ITPR1: variants seen among roughly 807,000 people sequenced by gnomAD.
The protein encoded by ITPR1 is inositol 1,4,5-trisphosphate receptor type 1.
A neutral mutation model predicts 318.4 loss-of-function variants in ITPR1; 96 were observed. The ratio of observed to expected loss-of-function variants is 0.30; its 90% confidence interval spans 0.26 to 0.36. ITPR1 has a LOEUF of 0.36. Ranked by LOEUF, ITPR1 falls within the 10% of genes least tolerant of loss-of-function variation. The pLI, the probability that ITPR1 is intolerant of heterozygous loss-of-function variation, is 1.00. For missense variants in ITPR1, 2,440 were observed against 3,460.2 expected, an observed-to-expected ratio of 0.71 and a Z score of 7.40; for synonymous variants, 1,312 against 1,289.9, an observed-to-expected ratio of 1.02 and a Z score of -0.37.
At chr3:4,648,728 T>C (rs976013805) in intron 10 of ITPR1, among the ~76,000 whole-genome samples, 3 of 152,208 alleles carry the variant, frequency 2.0e-5, no homozygotes, top group East Asian at 3.8e-4. Flanking sequence ...GAGAATCACT[T>C]GAACCCGGGA....
At position 4,688,481 on chromosome 3, in the gene ITPR1, C is replaced by G; in HGVS notation, c.3703-14C>G. On this transcript the variant is annotated splice_polypyrimidine_tract_variant and intron_variant, in intron 30 of 61. Coordinates refer to ENST00000649015, the MANE Select transcript of ITPR1 (RefSeq NM_001378452.1). ...CCCAGCAATCAGTGCTTTCATCTGTCTCCTCCCACACAGGCCGAAGATACC... is the reference window on the plus strand; with the variant it reads ...CCCAGCAATCAGTGCTTTCATCTGTGTCCTCCCACACAGGCCGAAGATACC... 1 of 1,613,390 alleles carries G rather than the reference C, an allele frequency of 6.2e-7. No individual in the cohort carries two copies. Among genetic ancestry groups the G allele is most frequent in the South Asian group, 1.1e-5 (1 of 91,034 alleles).
chr3:4,697,315 GGTGTGTGTGTGTGTGTGT>G (rs35795762), intron 34 of ITPR1, 43 bp downstream of exon 34: 3 of 864,084 alleles, frequency 3.5e-6, no homozygotes, highest in Non-Finnish European at 5.1e-6. Context: ...GAGAGTGAGA[GGTGTGTGTGTGTGTGTGT>G]GTGTGTGTGT....
At chr3:4,727,684 C>T (rs776739962) in intron 42 of ITPR1, among the ~76,000 whole-genome samples, 3 of 152,186 alleles carry the variant, frequency 2.0e-5, no homozygotes, top group Non-Finnish European at 4.4e-5. Flanking sequence ...AAGAGATCCT[C>T]CTGCCTCAGC....
At chr3:4,650,646 C>CGT (rs1559613608) in intron 10 of ITPR1, among the ~76,000 whole-genome samples, 3 of 135,402 alleles carry the variant, frequency 2.2e-5, no homozygotes, top group Non-Finnish European at 4.6e-5. Flanking sequence ...TGTGTGTGTG[C>CGT]GCGCGTCTGT....
chr3:4,661,900 C>T (rs535076921), intron 14 of ITPR1, among the ~76,000 whole-genome samples, 182 bp from the exon 15 acceptor site: 2 of 152,270 alleles, frequency 1.3e-5, no homozygotes, highest in African/African-American at 4.8e-5. Context: ...TACCAATTTC[C>T]AGAGATAACA....
intron 2 of ITPR1, among the ~76,000 whole-genome samples, chr3:4,513,188 C>T (rs1318759472): frequency 2.6e-5 from 4 of 152,200 alleles, no homozygotes; most frequent in Non-Finnish European, 5.9e-5. Context: ...AGGCCCATCA[C>T]TTCTGGGGCG....
chr3:4,711,665 A>G (rs952406407), intron 38 of ITPR1, 92 bp from the exon 39 acceptor site: 4 of 726,064 alleles, frequency 5.5e-6, no homozygotes, highest in Non-Finnish European at 9.8e-6. Context: ...ATATTTGTTC[A>G]TTAACGGACT....
intron 60 of ITPR1, among the ~76,000 whole-genome samples, chr3:4,823,680 A>G (rs1050985465): frequency 6.6e-6 from 1 of 152,198 alleles, no homozygotes; most frequent in East Asian, 1.9e-4. Context: ...TAGGGGAAAA[A>G]GGAAAGGAGG....
At chr3:4,713,559 C>T (rs1292877028) in intron 39 of ITPR1, among the ~76,000 whole-genome samples, 1 of 152,152 alleles carries the variant, frequency 6.6e-6, no homozygotes, top group East Asian at 1.9e-4. Context: ...CTGCCCTGCT[C>T]CCTGCCCCTA....
At chr3:4,790,448 A>G (rs2047482319) in intron 52 of ITPR1, among the ~76,000 whole-genome samples, 1 of 152,354 alleles carries the variant, frequency 6.6e-6, no homozygotes, top group South Asian at 2.1e-4. Flanking sequence ...ACTTAAGCAC[A>G]ACTGCAGTTG....
At chr3:4,830,008 C>G (rs754476466) in intron 60 of ITPR1, among the ~76,000 whole-genome samples, 1 of 113,766 alleles carries the variant, frequency 8.8e-6, no homozygotes. Context: ...GAGTCCTGCT[C>G]TGTTGCCCAG....
At chr3:4,684,018 C>T (rs961434085) in intron 28 of ITPR1, among the ~76,000 whole-genome samples, 15 of 152,152 alleles carry the variant, frequency 9.9e-5, no homozygotes, top group South Asian at 2.1e-4. Flanking sequence ...GAAGAGACTG[C>T]GATATTGAGT....
Position 4,842,634 on chromosome 3 carries a change from G to A in ITPR1, c.8191-3505G>A, listed in dbSNP as rs149498385. 1.1e-3 allele frequency among the ~76,000 whole-genome samples: 168 copies of A among 152,210 alleles called. 1 individual carries two copies. Among genetic ancestry groups the A allele is most frequent in the Middle Eastern group, 6.8e-3 (2 of 294 alleles). The stretch of plus-strand genomic sequence containing the variant: ...CTGCCTCCCAAAGTGCTGGTATTAC[G>A]GAGTGAGCCACCATGCCCAGCCGTT... On this transcript the variant is annotated intron_variant, in intron 61 of 61. Coordinates refer to ENST00000649015, the MANE Select transcript of ITPR1 (RefSeq NM_001378452.1).
In ITPR1 at chr3:4,756,961, C is replaced by G. The variant is rs548626820; in HGVS notation, c.5545-9569C>G. ...GTAATCAAAGTGTTTTTCACACCTA[C>G]TGTTTCATAACAACCTTGCTGGGTG... On this transcript the variant is annotated intron_variant, in intron 44 of 61. Transcript: ENST00000649015. 3.9e-5 allele frequency among the ~76,000 whole-genome samples: 6 copies of G among 152,388 alleles called. No homozygotes were observed. The South Asian group carries it at 1.2e-3, about 32-fold the overall frequency.
chr3:4,804,924 AG>A (rs1401145854), intron 54 of ITPR1, among the ~76,000 whole-genome samples: 1 of 152,136 alleles, frequency 6.6e-6, no homozygotes, highest in African/African-American at 2.4e-5. Flanking sequence ...CTAGAGTAGC[AG>A]AAGATGGTTT....
chr3:4,840,286 G>A (rs964528550), intron 61 of ITPR1, among the ~76,000 whole-genome samples: 2 of 152,040 alleles, frequency 1.3e-5, no homozygotes, highest in Non-Finnish European at 2.9e-5. Context: ...AATAGTAATT[G>A]TGAGAATTCT....
chr3:4,820,781 G>A (rs1413449446), intron 60 of ITPR1, among the ~76,000 whole-genome samples: 2 of 152,134 alleles, frequency 1.3e-5, no homozygotes, highest in Admixed American at 6.5e-5. Context: ...TCTCGCCTGC[G>A]CTGTCTGCTG....
chr3:4,536,389 G>A (rs186903979), intron 4 of ITPR1, among the ~76,000 whole-genome samples: 1 of 152,132 alleles, frequency 6.6e-6, no homozygotes, highest in Non-Finnish European at 1.5e-5. Context: ...TTACCATTTT[G>A]CATGTTTCTG....
At chr3:4,522,813 C>A (rs550477507) in intron 4 of ITPR1, among the ~76,000 whole-genome samples, 1 of 152,224 alleles carries the variant, frequency 6.6e-6, no homozygotes, top group Non-Finnish European at 1.5e-5. Context: ...AGGGAGCCAT[C>A]CCTCCTCCCT....
Sources: allele counts gnomAD v4.1 joint callset (sites outside exome capture counted in the v4.1 genomes callset), GRCh38; gene constraint gnomAD v4.1.1; transcripts MANE v1.5; gene names NCBI Gene and HGNC (gene_info 2026-07-23, HGNC 2026-07-21).